The following TRPV1 variants were observed in gnomAD, a reference collection of about 807,000 sequenced individuals.
TRPV1 encodes transient receptor potential cation channel subfamily V member 1, also known as OTRPC1.
In TRPV1, 82 loss-of-function variants were observed where a neutral mutation model predicts 82.3. That is an observed-to-expected ratio of 1.00 (90% CI 0.83 to 1.20). TRPV1 has a LOEUF of 1.20. TRPV1 is among the 50% of genes most tolerant of loss of function. The pLI is 0.00. For synonymous variants in TRPV1, 515 were observed against 467.7 expected (o/e 1.10, Z -1.30); for missense variants, 1,067 against 1,096.8 (o/e 0.97, Z 0.38).
chr17:3,592,789 G>T (rs2075176638), intron 2 of TRPV1: 2 of 175,384 alleles, frequency 1.1e-5, no homozygotes, highest in South Asian at 2.9e-4. Flanking sequence ...GGCTGTCGTG[G>T]GCTGAATTCA....
chr17:3,570,311 A>C (rs2074835702), intron 16 of TRPV1, among the ~76,000 whole-genome samples: 1 of 151,836 alleles, frequency 6.6e-6, no homozygotes, highest in African/African-American at 2.4e-5. Context: ...CGGAGGGTGC[A>C]GTAAACCCAG....
chr17:3,600,828 T>C (rs969012187), intron 2 of TRPV1, among the ~76,000 whole-genome samples: 1 of 152,070 alleles, frequency 6.6e-6, no homozygotes, highest in Non-Finnish European at 1.5e-5. Context: ...TCCCCACACC[T>C]GGGGGTCCAA....
chr17:3,567,498 G>T (rs1050159773), intron 16 of TRPV1, among the ~76,000 whole-genome samples: 27 of 151,936 alleles, frequency 1.8e-4, no homozygotes, highest in Non-Finnish European at 7.4e-5. Flanking sequence ...TACTCAAAGA[G>T]CCTCATGCAC....
rs753918160 is a variant in TRPV1, at chr17:3,571,508, G to A, written c.2347+16C>T. The A allele has an allele frequency of 9.6e-6, 15 of 1,567,182 alleles. No individual in the cohort carries two copies. Among genetic ancestry groups the A allele is most frequent in the Admixed American group, 9.3e-5 (5 of 53,844 alleles). On this transcript the variant is annotated intron_variant, in intron 16 of 16. Transcript: ENST00000572705. ...ACCAGCCAAGGAGGCGCCAAGCACC[G>A]GCCCTCACGCCTCACCTCTGCTTGA...
At chr17:3,589,722 G>A (rs2075129565) in intron 7 of TRPV1, 85 bp downstream of exon 7, 5 of 1,476,602 alleles carry the variant, frequency 3.4e-6, no homozygotes, top group Admixed American at 2.1e-5. Context: ...AGATAGCGAC[G>A]CCAGGCTCCC....
At chr17:3,594,540 C>T (rs1333751062) in intron 2 of TRPV1, among the ~76,000 whole-genome samples, 11 of 152,176 alleles carry the variant, frequency 7.2e-5, no homozygotes, top group South Asian at 2.1e-4. Context: ...ACAGGACGGA[C>T]GGCTGGCTAC....
At chr17:3,575,807 G>C (rs1469636441) in intron 13 of TRPV1, among the ~76,000 whole-genome samples, 1 of 152,092 alleles carries the variant, frequency 6.6e-6, no homozygotes, top group African/African-American at 2.4e-5. Context: ...TGCATGCCTG[G>C]CTATAATCGT....
At chr17:3,571,973 C>T in intron 15 of TRPV1, 149 bp downstream of exon 15, 1 of 1,057,938 alleles carries the variant, frequency 9.5e-7, no homozygotes, top group Non-Finnish European at 1.3e-6. Flanking sequence ...CACAGCTGAG[C>T]TCAGGACGGC....
Position 3,577,739 on chromosome 17 carries a change from C to G in TRPV1, c.1572G>C (p.Leu524=), listed in dbSNP as rs199691302. Residue 524 remains leucine (L), a synonymous_variant, in exon 12 of 17, where the codon CTG becomes CTC. Coordinates refer to ENST00000572705, the MANE Select transcript of TRPV1 (RefSeq NM_080704.4). ...GGCTGAAGTACAGCACCACGGTGGC[C>G]AGCATGAACAGTGACTGCAGAAAGC... ...MLFFLQSLFM[L]ATVVLYFSHL... The G allele has an allele frequency of 3.8e-6, 6 of 1,593,498 alleles. No homozygotes were observed. The highest frequency in any genetic ancestry group is 5.1e-6 in the Non-Finnish European group (6 of 1,170,518).
intron 15 of TRPV1, 27 bp downstream of exon 15, chr17:3,572,095 C>A (rs957765786): frequency 1.2e-6 from 2 of 1,608,138 alleles, no homozygotes; most frequent in Non-Finnish European, 1.7e-6. Context: ...CTCCCAAGCC[C>A]TGATTCAGGT....
intron 10 of TRPV1, among the ~76,000 whole-genome samples, chr17:3,581,013 T>G (rs2075002750): frequency 7.8e-6 from 1 of 127,808 alleles, no homozygotes; most frequent in African/African-American, 3.0e-5. Context: ...CGAGACTCCA[T>G]CTCAAAAAAA....
Position 3,577,199 on chromosome 17 carries a change from G to A in TRPV1, c.1714-7C>T. On this transcript the variant is annotated splice_region_variant and splice_polypyrimidine_tract_variant and intron_variant, in intron 12 of 16. Coordinates refer to ENST00000572705, the MANE Select transcript of TRPV1 (RefSeq NM_080704.4). ...ACAGGTCTCTCAGGATCATCTGCAG[G>A]AGACAGCAGGCTCATCAGAGCCGAG... The A allele has an allele frequency of 1.9e-6, 3 of 1,575,578 alleles. No homozygotes were observed. Among genetic ancestry groups the A allele is most frequent in the South Asian group, 2.3e-5 (2 of 85,510 alleles).
rs199705101 is a variant in TRPV1, at chr17:3,592,187, G to A, written c.164C>T (p.Ser55Leu). 77 of 1,613,360 alleles carry A rather than the reference G, an allele frequency of 4.8e-5. No homozygotes were observed. The highest frequency in any genetic ancestry group is 8.4e-5 in the Admixed American group (5 of 59,876). ...SRTRLFGKGD[S>L]EEAFPVDCPH... ...GCAATCCACCGGGAAAGCCTCCTCC[G>A]AGTCACCCTTCCCAAAGAGCCGGGT... The change falls in exon 3 of 17, where the codon TCG becomes TTG. Residue 55 changes from serine to leucine, a missense_variant. Ser to Leu is a moderately radical substitution (Grantham distance 145). Coordinates refer to ENST00000572705, the MANE Select transcript of TRPV1 (RefSeq NM_080704.4).
At chr17:3,594,536 C>T (rs975338233) in intron 2 of TRPV1, among the ~76,000 whole-genome samples, 5 of 152,188 alleles carry the variant, frequency 3.3e-5, no homozygotes, top group African/African-American at 4.8e-5. Flanking sequence ...GTGAACAGGA[C>T]GGACGGCTGG....
In TRPV1 at chr17:3,573,863, CGGG is replaced by C. The variant is rs745598475; in HGVS notation, c.1870_1872del (p.Pro624del). 1.9e-6 allele frequency: 3 copies of C among 1,539,676 alleles called. No individual in the cohort carries two copies. The highest frequency in any genetic ancestry group is 2.6e-6 in the Non-Finnish European group (3 of 1,136,332). Reference sequence around the variant, plus strand: ...GAGTACAGGCTGTTGTAGGAGCTATCGGGGGGCCTGCAGGCAGGCCCCCGCCAC... The same window carrying C: ...GAGTACAGGCTGTTGTAGGAGCTATCGGGCCTGCAGGCAGGCCCCCGCCAC... On this transcript the variant is annotated inframe_deletion, in exon 14 of 17. Transcript: ENST00000572705.
rs199727090 is a variant in TRPV1, at chr17:3,590,950, G to A, written c.604+14C>T. On this transcript the variant is annotated intron_variant, in intron 5 of 16. Coordinates refer to ENST00000572705, the MANE Select transcript of TRPV1 (RefSeq NM_080704.4). ...TGCGGGCTGAGCCATGCCCGGCCCC[G>A]CCGCCCTCCTCACCCTTGTAGTAGC... 6.3e-4 allele frequency: 997 copies of A among 1,584,198 alleles called. 18 individuals are homozygous for A. The South Asian group carries it at 0.01, about 17-fold the overall frequency.
Position 3,573,538 on chromosome 17 carries a change from A to ACCCCC in TRPV1, c.2103+94_2103+95insGGGGG. 4 of 248,456 alleles carry ACCCCC rather than the reference A, an allele frequency of 1.6e-5. 1 individual carries two copies. The highest frequency in any genetic ancestry group is 3.0e-5 in the African/African-American group (1 of 33,868). The allele number at this position is 248,456 out of a possible 1,614,324, so 15.4% of individuals were successfully genotyped here. On this transcript the variant is annotated intron_variant, in intron 14 of 16. Transcript: ENST00000572705. ...ACCCTCCTGGCCACACACCGCCCCC[A>ACCCCC]CCACCCACCCACCTGCAGCCAGCTG...
chr17:3,578,800 A>C (rs1176709033), intron 11 of TRPV1: 1 of 152,212 alleles, frequency 6.6e-6, no homozygotes, highest in Non-Finnish European at 1.5e-5. Context: ...GGTAGACTGG[A>C]TAATCAAAAA....
chr17:3,582,538 G>C (rs1212015269), intron 10 of TRPV1, among the ~76,000 whole-genome samples: 1 of 151,776 alleles, frequency 6.6e-6, no homozygotes, highest in Non-Finnish European at 1.5e-5. Context: ...TATAAATATG[G>C]TTTTTGCAAG....
Sources: gnomAD v4.1 joint callset for allele counts (sites outside exome capture counted in the v4.1 genomes callset) on GRCh38, gnomAD v4.1.1 for gene constraint, MANE v1.5 for transcripts, NCBI Gene and HGNC (gene_info 2026-07-23, HGNC 2026-07-21) for gene names.